WWC1: variants seen among roughly 807,000 people sequenced by gnomAD.
WWC1 encodes the protein protein KIBRA.
A neutral mutation model predicts 138.4 loss-of-function variants in WWC1; 55 were observed. The observed-to-expected ratio is 0.40, with a 90% CI of 0.32 to 0.50. The LOEUF is 0.50. Ranked by LOEUF, WWC1 falls within the 20% of genes least tolerant of loss-of-function variation. WWC1 has a pLI of 0.72. For missense variants in WWC1, 1,226 were observed against 1,420.4 expected (o/e 0.86, Z 2.20); for synonymous variants, 524 against 564.9 (o/e 0.93, Z 1.03).
At chr5:168,395,553 A>C (rs1778835026) in intron 3 of WWC1, among the ~76,000 whole-genome samples, 2 of 152,230 alleles carry the variant, frequency 1.3e-5, no homozygotes, top group Admixed American at 1.3e-4. Flanking sequence ...TGTATGCTTA[A>C]GGTGATACCT....
chr5:168,372,544 G>A (rs545729668), intron 2 of WWC1, among the ~76,000 whole-genome samples: 6 of 152,206 alleles, frequency 3.9e-5, no homozygotes, highest in Non-Finnish European at 7.3e-5. Flanking sequence ...GCCGTGTCCT[G>A]TGCTGAGGAC....
chr5:168,394,583 G>A (rs1317188860), intron 3 of WWC1, among the ~76,000 whole-genome samples: 1 of 152,154 alleles, frequency 6.6e-6, no homozygotes, highest in Non-Finnish European at 1.5e-5. Flanking sequence ...AAAGTTAGCT[G>A]GGCGTGGTGG....
At chr5:168,347,706 G>T (rs1250270605) in intron 1 of WWC1, among the ~76,000 whole-genome samples, 1 of 152,100 alleles carries the variant, frequency 6.6e-6, no homozygotes, top group Non-Finnish European at 1.5e-5. Context: ...TCATTTATTA[G>T]CCCGAGTGAA....
At chr5:168,403,012 T>TTCTC (rs1487889915) in intron 5 of WWC1, among the ~76,000 whole-genome samples, 7 of 64,732 alleles carry the variant, frequency 1.1e-4, no homozygotes, top group African/African-American at 4.5e-4. Context: ...TTCTTTTTCT[T>TTCTC]TCTTTCTTTC....
intron 18 of WWC1, among the ~76,000 whole-genome samples, chr5:168,454,578 A>G (rs1756132546): frequency 6.6e-6 from 1 of 152,200 alleles, no homozygotes; most frequent in African/African-American, 2.4e-5. Flanking sequence ...CTAGGGTCAC[A>G]TTACAGCAGG....
intron 11 of WWC1, among the ~76,000 whole-genome samples, chr5:168,426,590 T>C (rs1243463692): frequency 6.6e-6 from 1 of 152,214 alleles, no homozygotes; most frequent in Admixed American, 6.5e-5. Context: ...GCAGACAAAT[T>C]AATCTCCTTA....
intron 1 of WWC1, among the ~76,000 whole-genome samples, chr5:168,338,675 C>G (rs555148165): frequency 6.6e-6 from 1 of 152,102 alleles, no homozygotes; most frequent in African/African-American, 2.4e-5. Flanking sequence ...CCCCAAAGTG[C>G]TGGGATGCTG....
At chr5:168,326,968 G>A (rs1421239042) in intron 1 of WWC1, among the ~76,000 whole-genome samples, 1 of 152,222 alleles carries the variant, frequency 6.6e-6, no homozygotes, top group African/African-American at 2.4e-5. Context: ...GAGGTCTCTT[G>A]ACTCATTCCC....
At chr5:168,465,548 C>CTTTTTTTGTTTTTTTTT (rs1757201213) in intron 21 of WWC1, among the ~76,000 whole-genome samples, 1 of 46,932 alleles carries the variant, frequency 2.1e-5, no homozygotes, top group Admixed American at 3.4e-4. Flanking sequence ...ATCAGCTGGG[C>CTTTTTTTGTTTTTTTTT]TTTTTTTTTT....
intron 17 of WWC1, among the ~76,000 whole-genome samples, chr5:168,447,799 C>T (rs1392044506): frequency 6.6e-6 from 1 of 151,808 alleles, no homozygotes; most frequent in Non-Finnish European, 1.5e-5. Context: ...TTCTTTCTCT[C>T]TCTCTGTCTG....
At chr5:168,355,515 AAAAAC>A in intron 1 of WWC1, among the ~76,000 whole-genome samples, 1 of 151,812 alleles carries the variant, frequency 6.6e-6, no homozygotes, top group Non-Finnish European at 1.5e-5. Flanking sequence ...AAAAAAAAAA[AAAAAC>A]AGCATTTCAA....
At chr5:168,387,941 G>A (rs1778168386) in intron 3 of WWC1, among the ~76,000 whole-genome samples, 1 of 151,992 alleles carries the variant, frequency 6.6e-6, no homozygotes, top group South Asian at 2.1e-4. Flanking sequence ...CCCACAGTTT[G>A]AAAAAGTGTC....
At position 168,299,072 on chromosome 5, in the gene WWC1, C is replaced by T. The variant is rs962402020; in HGVS notation, c.119+6801C>T. Among the ~76,000 whole-genome samples, 24 of 152,170 alleles carry T rather than the reference C, an allele frequency of 1.6e-4. No homozygotes were observed. The Middle Eastern group carries it at 0.01, about 65-fold the overall frequency. On this transcript the variant is annotated intron_variant, in intron 1 of 22. Transcript: ENST00000265293. ...TGCACTCTAGCCTGGGCAACAAGGGCGAAACGCCATCTCAAAAAAAAAGGT... is the reference window on the plus strand; with the variant it reads ...TGCACTCTAGCCTGGGCAACAAGGGTGAAACGCCATCTCAAAAAAAAAGGT...
chr5:168,358,338 G>A (rs11740911), intron 1 of WWC1, among the ~76,000 whole-genome samples: 13 of 152,188 alleles, frequency 8.5e-5, no homozygotes, highest in Non-Finnish European at 1.6e-4. Flanking sequence ...AGGAGAGCTC[G>A]GTGAGTGTCA....
intron 17 of WWC1, among the ~76,000 whole-genome samples, chr5:168,444,884 A>C (rs1582323615): frequency 6.6e-6 from 1 of 152,044 alleles, no homozygotes; most frequent in Non-Finnish European, 1.5e-5. Flanking sequence ...AAAGTAAAGA[A>C]ACTTTATGTT....
chr5:168,469,127 T>C lies in WWC1; in HGVS notation c.*110T>C, dbSNP rs1757555142. On this transcript the variant is annotated 3_prime_UTR_variant, in exon 23 of 23. Coordinates refer to ENST00000265293, the MANE Select transcript of WWC1 (RefSeq NM_015238.3). The stretch of plus-strand genomic sequence containing the variant: ...AGGTACTGAGTCACAAGTCCTCTAG[T>C]GCTCTTGTTGGTTTGAAGATGAACC... 1.5e-6 allele frequency: 2 copies of C among 1,341,616 alleles called. No individual in the cohort carries two copies. Among genetic ancestry groups the C allele is most frequent in the Non-Finnish European group, 2.1e-6 (2 of 951,618 alleles). 83.1% of individuals were successfully genotyped at this position (1,341,616 alleles called of 1,614,324 possible).
intron 1 of WWC1, among the ~76,000 whole-genome samples, chr5:168,314,603 G>A (rs896102710): frequency 6.6e-6 from 1 of 152,134 alleles, no homozygotes; most frequent in African/African-American, 2.4e-5. Context: ...ATATTGCTGT[G>A]AGGGGACTAG....
intron 1 of WWC1, among the ~76,000 whole-genome samples, chr5:168,339,394 G>A (rs986558642): frequency 6.6e-6 from 1 of 152,164 alleles, no homozygotes; most frequent in Admixed American, 6.5e-5. Context: ...TGTGAAGGGT[G>A]CAGTCATTTG....
chr5:168,395,967 C>T (rs1438489939), intron 3 of WWC1, among the ~76,000 whole-genome samples: 1 of 152,262 alleles, frequency 6.6e-6, no homozygotes, highest in Non-Finnish European at 1.5e-5. Flanking sequence ...TAGCATTCCC[C>T]TCATGACTGT....
Sources: gnomAD v4.1 joint callset for allele counts (sites outside exome capture counted in the v4.1 genomes callset) on GRCh38, gnomAD v4.1.1 for gene constraint, MANE v1.5 for transcripts, NCBI Gene and HGNC (gene_info 2026-07-23, HGNC 2026-07-21) for gene names.